ACOT11: variants seen among roughly 807,000 people sequenced by gnomAD.
The protein encoded by ACOT11 is acyl-CoA thioesterase 11.
In ACOT11, 69 loss-of-function variants were observed where a neutral mutation model predicts 77.5. That is an observed-to-expected ratio of 0.89 (90% confidence interval 0.73 to 1.09). The LOEUF is 1.09. Among genes scored for constraint, ACOT11 ranks in the 50% least tolerant of loss-of-function variants. The pLI, the probability that ACOT11 is intolerant of heterozygous loss-of-function variation, is 0.00. For synonymous variants in ACOT11, 279 were observed against 313.0 expected (o/e 0.89, Z 1.15); for missense variants, 766 against 813.7 (o/e 0.94, Z 0.71).
intron 15 of ACOT11, chr1:54,628,064 G>A (rs1043031980): frequency 7.5e-6 from 1 of 133,986 alleles, no homozygotes; most frequent in East Asian, 2.3e-4. Flanking sequence ...CACTCAGCTT[G>A]CATTTGGGAG....
At chr1:54,598,282 G>A (rs1459428257) in intron 7 of ACOT11, 1 of 152,302 alleles carries the variant, frequency 6.6e-6, no homozygotes, top group Admixed American at 6.5e-5. Flanking sequence ...AAGTAGCTTT[G>A]GGTAAGGGGA....
Position 54,584,854 on chromosome 1 carries a change from GC to G in ACOT11, c.235del (p.Leu79CysfsTer31), listed in dbSNP as rs1269457466. On this transcript the variant is annotated frameshift_variant, in exon 2 of 16. Transcript: ENST00000343744. LOFTEE classifies it high-confidence loss of function. This position sits in a 1 kb window ranked among gnomAD's most constrained non-coding sequence, Gnocchi z 6.3. ...QLLKWIDTTACLSAERHAGCP... is the reference protein window; with the variant it reads ...QLLKWIDTTAXLSAERHAGCP... Reference sequence around the variant, plus strand: ...CTCAAGTGGATTGACACCACGGCTTGCCTGTCCGGTAAGGCTGCGCTCCCCA... The same window carrying G: ...CTCAAGTGGATTGACACCACGGCTTGCTGTCCGGTAAGGCTGCGCTCCCCA... The G allele has an allele frequency of 6.2e-7, 1 of 1,612,786 alleles. No individual in the cohort carries two copies. The highest frequency in any genetic ancestry group is 1.1e-5 in the South Asian group (1 of 90,982).
At chr1:54,562,324 C>T (rs1421434785) in intron 1 of ACOT11, among the ~76,000 whole-genome samples, 1 of 107,952 alleles carries the variant, frequency 9.3e-6, no homozygotes, top group Non-Finnish European at 1.9e-5. Flanking sequence ...GGGCTGACCC[C>T]CCCATCTCCC....
rs1445439940 is a variant in ACOT11 at position 54,609,687 on chromosome 1, T to A, written c.*575T>A. 9.3e-6 allele frequency: 15 copies of A among 1,613,748 alleles called. No individual in the cohort carries two copies. Among genetic ancestry groups the A allele is most frequent in the African/African-American group, 4.0e-5 (3 of 74,924 alleles). ...GGGACCGAAAAACTCCCGTGGGAGA[T>A]TTTGGCCCCAACCCACACAGGCCAA... is the stretch of plus-strand genomic sequence containing the variant. On this transcript the variant is annotated 3_prime_UTR_variant, in exon 16 of 16. Coordinates refer to ENST00000343744, the MANE Select transcript of ACOT11 (RefSeq NM_147161.4).
Position 54,552,678 on chromosome 1 carries a change from G to A in ACOT11, c.33+4336G>A, listed in dbSNP as rs147046665. ...TTTTTTCTATTTTTAGTAGAGACGG[G>A]GTTTCACCATGTTGGCCAGGCTGGT... On this transcript the variant is annotated intron_variant, in intron 1 of 15. Transcript: ENST00000343744. 6.2e-3 allele frequency among the ~76,000 whole-genome samples: 942 copies of A among 152,186 alleles called. 10 individuals carry two copies. Among genetic ancestry groups the A allele is most frequent in the African/African-American group, 0.021 (878 of 41,524 alleles).
chr1:54,557,519 A>G (rs1236248052), intron 1 of ACOT11, among the ~76,000 whole-genome samples: 2 of 152,068 alleles, frequency 1.3e-5, no homozygotes, highest in Non-Finnish European at 2.9e-5. Flanking sequence ...GGCTCAAGCA[A>G]TCCTCCCACC....
chr1:54,583,903 C>T (rs552315389), intron 1 of ACOT11, among the ~76,000 whole-genome samples: 1 of 152,280 alleles, frequency 6.6e-6, no homozygotes, highest in South Asian at 2.1e-4. Flanking sequence ...GCTGCTAGCC[C>T]CTTTCCTCTT....
chr1:54,628,814 C>G lies in ACOT11; in HGVS notation c.1630-1920C>G, dbSNP rs984713218. ...GTGGCTCATGCCTGTAATCCCAACA[C>G]TTTGGGAGGCTAAGGCGGGCGGATC... On this transcript the variant is annotated intron_variant, in intron 15 of 16. Transcript: ENST00000371316. Among the ~76,000 whole-genome samples the G allele has an allele frequency of 3.0e-5, 4 of 132,818 alleles. 1 individual carries two copies. The highest frequency in any genetic ancestry group is 6.8e-5 in the Non-Finnish European group (4 of 58,892). The allele number at this position is 132,818 out of a possible 152,430, so 87.1% of individuals were successfully genotyped here.
chr1:54,585,945 C>T (rs1170773093), intron 3 of ACOT11, 41 bp downstream of exon 3: 2 of 1,603,550 alleles, frequency 1.2e-6, no homozygotes, highest in South Asian at 1.1e-5. Context: ...TGGGCTCCCT[C>T]CCATCAGCCT....
chr1:54,623,270 G>A, intron 15 of ACOT11: 1 of 1,603,228 alleles, frequency 6.2e-7, no homozygotes, highest in South Asian at 1.1e-5. Context: ...ATGGGGGGAG[G>A]CACCTACCTG....
At chr1:54,572,988 G>T in intron 1 of ACOT11, 2 of 985,416 alleles carry the variant, frequency 2.0e-6, no homozygotes, top group Non-Finnish European at 2.4e-6. Flanking sequence ...ACTGACAGTG[G>T]CCCAGTGGGA....
exon 17 of ACOT11, chr1:54,635,219 T>C (rs1644324659): frequency 4.4e-6 from 1 of 227,212 alleles, no homozygotes; most frequent in African/African-American, 2.4e-5. Flanking sequence ...ACGATTCCTA[T>C]GGAATCATTA....
intron 1 of ACOT11, chr1:54,572,984 A>G: frequency 1.0e-6 from 1 of 985,470 alleles, no homozygotes; most frequent in African/African-American, 1.7e-5. Flanking sequence ...CCTCACTGAC[A>G]GTGGCCCAGT....
chr1:54,629,215 A>G lies in ACOT11; in HGVS notation c.1630-1519A>G, dbSNP rs1363519057. Reference sequence around the variant, plus strand: ...ATGGGTGAAAACCAAGAGATGATGTAAACAGCAGAATCAGACCCACAAAGT... The same window carrying G: ...ATGGGTGAAAACCAAGAGATGATGTGAACAGCAGAATCAGACCCACAAAGT... On this transcript the variant is annotated intron_variant, in intron 15 of 16. Coordinates refer to the ACOT11 transcript ENST00000371316. 2.2e-5 allele frequency among the ~76,000 whole-genome samples: 3 copies of G among 134,628 alleles called. 1 individual carries two copies. The highest frequency in any genetic ancestry group is 5.0e-5 in the Non-Finnish European group (3 of 59,462). The allele number at this position is 134,628 out of a possible 152,430, so 88.3% of individuals were successfully genotyped here. A position where few individuals can be genotyped will look rare whatever the true frequency, so the allele number is the denominator to read the frequency against.
chr1:54,632,852 T>G (rs1644308576), intron 16 of ACOT11, among the ~76,000 whole-genome samples: 1 of 152,136 alleles, frequency 6.6e-6, no homozygotes, highest in Non-Finnish European at 1.5e-5. Flanking sequence ...ATCAAAGTAG[T>G]TATATATTGC....
At chr1:54,589,236 T>C (rs1358586729) in intron 3 of ACOT11, among the ~76,000 whole-genome samples, 1 of 151,920 alleles carries the variant, frequency 6.6e-6, no homozygotes, top group African/African-American at 2.4e-5. Flanking sequence ...AGGCTGGTCT[T>C]GAATTCCTGA....
rs138994615 is a variant in ACOT11 at position 54,609,692 on chromosome 1, G to T, written c.*580G>T. 35 of 1,614,016 alleles carry T rather than the reference G, an allele frequency of 2.2e-5. No homozygotes were observed. The African/African-American group carries it at 3.5e-4, about 16-fold the overall frequency. ...CGAAAAACTCCCGTGGGAGATTTTGGCCCCAACCCACACAGGCCAATGCAA... is the reference window on the plus strand; with the variant it reads ...CGAAAAACTCCCGTGGGAGATTTTGTCCCCAACCCACACAGGCCAATGCAA... On this transcript the variant is annotated 3_prime_UTR_variant, in exon 16 of 16. Coordinates refer to ENST00000343744, the MANE Select transcript of ACOT11 (RefSeq NM_147161.4).
At chr1:54,575,185 G>T (rs1240448141) in intron 1 of ACOT11, among the ~76,000 whole-genome samples, 1 of 152,210 alleles carries the variant, frequency 6.6e-6, no homozygotes, top group Non-Finnish European at 1.5e-5. Context: ...GGCACCTTAG[G>T]CAGGACTTGA....
chr1:54,557,867 C>G (rs756817503), intron 1 of ACOT11, among the ~76,000 whole-genome samples: 7 of 151,898 alleles, frequency 4.6e-5, no homozygotes, highest in Non-Finnish European at 8.8e-5. Flanking sequence ...CCTTTTATTT[C>G]TCTCTCTTGC....
Sources: gnomAD v4.1 joint callset for allele counts (sites outside exome capture counted in the v4.1 genomes callset) on GRCh38, gnomAD v4.1.1 for gene constraint, Gnocchi (gnomAD v3.1) non-coding constraint, MANE v1.5 for transcripts, NCBI Gene and HGNC (gene_info 2026-07-23, HGNC 2026-07-21) for gene names.